CCDC39: variants seen among roughly 807,000 people sequenced by gnomAD.
CCDC39 encodes the protein coiled-coil domain 39 molecular ruler complex subunit.
A neutral mutation model predicts 121.0 loss-of-function variants in CCDC39; 113 were observed. The observed-to-expected ratio is 0.93, with a 90% CI of 0.80 to 1.09. The LOEUF (loss-of-function observed/expected upper bound fraction) is 1.09, where lower values mean the gene tolerates loss of function less well. CCDC39 is among the 50% of genes least tolerant of loss of function. The pLI, the probability that CCDC39 is intolerant of heterozygous loss-of-function variation, is 0.00. For missense variants in CCDC39, 1,063 were observed against 1,074.7 expected (o/e 0.99, Z 0.15); for synonymous variants, 349 against 352.2 (o/e 0.99, Z 0.10).
chr3:180,636,287 AC>A (rs1331357776), intron 13 of CCDC39, among the ~76,000 whole-genome samples: 1 of 152,224 alleles, frequency 6.6e-6, no homozygotes, highest in Non-Finnish European at 1.5e-5. Context: ...TATAAAAATT[AC>A]TAGCATTCCT....
intron 1 of CCDC39, among the ~76,000 whole-genome samples, chr3:180,678,396 G>A (rs189006266): frequency 1.8e-4 from 28 of 152,200 alleles, no homozygotes; most frequent in Admixed American, 1.8e-3. Flanking sequence ...TTTCTGTTCC[G>A]TTTTACAAAG....
At chr3:180,675,041 T>A (rs1712153696) in intron 1 of CCDC39, among the ~76,000 whole-genome samples, 1 of 152,230 alleles carries the variant, frequency 6.6e-6, no homozygotes, top group Admixed American at 6.5e-5. Flanking sequence ...ATTGGAATAG[T>A]TTCAGAAGGA....
At chr3:180,657,406 T>G (rs562027320) in intron 6 of CCDC39, among the ~76,000 whole-genome samples, 169 of 152,302 alleles carry the variant, frequency 1.1e-3, no homozygotes, top group African/African-American at 3.9e-3. Flanking sequence ...TGGGGTTGTA[T>G]GAGAAAACTG....
intron 7 of CCDC39, 33 bp downstream of exon 7, chr3:180,654,729 A>ACAT: frequency 6.8e-7 from 1 of 1,474,862 alleles, no homozygotes; most frequent in Non-Finnish European, 9.3e-7. Context: ...TTTGTCGTGA[A>ACAT]CATACAAGCC....
rs551191744 is a variant in CCDC39 at position 180,647,245 on chromosome 3, TG to T, written c.1363-3del. 8.4e-4 allele frequency: 1,313 copies of T among 1,558,374 alleles called. 3 individuals carry two copies. Among genetic ancestry groups the T allele is most frequent in the Middle Eastern group, 7.5e-3 (44 of 5,862 alleles). ...TTCCACTTGTTGAATGTGAAAATCC[TG>T]TTACAGTTTAAAAAAAAAAAGGTAT... On this transcript the variant is annotated splice_polypyrimidine_tract_variant and splice_region_variant and intron_variant, in intron 10 of 19. Transcript: ENST00000476379.
chr3:180,649,361 T>G (rs1030499285), intron 9 of CCDC39, among the ~76,000 whole-genome samples: 7 of 152,196 alleles, frequency 4.6e-5, no homozygotes, highest in African/African-American at 1.7e-4. Context: ...AGTTGAAAAT[T>G]ATCATTTTTA....
At chr3:180,624,667 T>C (rs1308702858) in intron 14 of CCDC39, among the ~76,000 whole-genome samples, 1 of 152,208 alleles carries the variant, frequency 6.6e-6, no homozygotes, top group Non-Finnish European at 1.5e-5. Flanking sequence ...GAGCATTTCT[T>C]AGAGGACCAG....
chr3:180,652,385 G>C, intron 7 of CCDC39, 119 bp from the exon 8 acceptor site: 1 of 524,098 alleles, frequency 1.9e-6, no homozygotes, highest in Non-Finnish European at 3.3e-6. Flanking sequence ...CACAAAAGTA[G>C]TAGCCATTTT....
chr3:180,654,141 A>C (rs1427535636), intron 7 of CCDC39, among the ~76,000 whole-genome samples: 1 of 149,724 alleles, frequency 6.7e-6, no homozygotes, highest in East Asian at 2.0e-4. Context: ...ACTAATTTTC[A>C]GTAAATGTGT....
chr3:180,657,876 A>G (rs1711623043), intron 6 of CCDC39, among the ~76,000 whole-genome samples: 1 of 152,218 alleles, frequency 6.6e-6, no homozygotes, highest in Admixed American at 6.5e-5. Flanking sequence ...CTCTGCTTCC[A>G]TTAATTTTGC....
intron 6 of CCDC39, among the ~76,000 whole-genome samples, chr3:180,658,831 CT>C (rs2108428422): frequency 6.6e-6 from 1 of 152,244 alleles, no homozygotes; most frequent in Admixed American, 6.5e-5. Context: ...ATCTTCTCAC[CT>C]GACTCTGAAT....
chr3:180,623,284 A>G (rs1192347727), intron 14 of CCDC39, among the ~76,000 whole-genome samples: 2 of 151,582 alleles, frequency 1.3e-5, no homozygotes, highest in African/African-American at 4.8e-5. Flanking sequence ...ATGATCTTTC[A>G]TATTTCTGTA....
intron 6 of CCDC39, among the ~76,000 whole-genome samples, chr3:180,656,547 G>T (rs1711584851): frequency 6.6e-6 from 1 of 152,112 alleles, no homozygotes; most frequent in Admixed American, 6.5e-5. Flanking sequence ...ACCGTCAGAG[G>T]CATTTGAACC....
chr3:180,673,401 A>C (rs1560095972), intron 1 of CCDC39, among the ~76,000 whole-genome samples: 1 of 152,240 alleles, frequency 6.6e-6, no homozygotes, highest in Non-Finnish European at 1.5e-5. Context: ...CACCTTGATC[A>C]GTCAGCAAAC....
chr3:180,661,860 C>T lies in CCDC39; in HGVS notation c.357+1G>A. On this transcript the variant is annotated splice_donor_variant, in intron 3 of 19. Coordinates refer to ENST00000476379, the MANE Select transcript of CCDC39 (RefSeq NM_181426.2). LOFTEE classifies it high-confidence loss of function. ...ATTTTAAGTAATATTTCAACATATACTTCTTTATCACTTTTCTTTTCCAGT... is the reference window on the plus strand; with the variant it reads ...ATTTTAAGTAATATTTCAACATATATTTCTTTATCACTTTTCTTTTCCAGT... The T allele has an allele frequency of 6.3e-7, 1 of 1,577,146 alleles. No homozygotes were observed. The highest frequency in any genetic ancestry group is 8.6e-7 in the Non-Finnish European group (1 of 1,159,516).
At chr3:180,630,558 G>T (rs959747107) in intron 14 of CCDC39, among the ~76,000 whole-genome samples, 14 of 152,120 alleles carry the variant, frequency 9.2e-5, no homozygotes, top group African/African-American at 3.4e-4. Flanking sequence ...ATTCATGTAT[G>T]GTACAGGGAA....
At position 180,647,091 on chromosome 3, in the gene CCDC39, G is replaced by T; in HGVS notation, c.1515C>A (p.Ile505=). 6.2e-7 allele frequency: 1 copy of T among 1,606,646 alleles called. No homozygotes were observed. Among genetic ancestry groups the T allele is most frequent in the Non-Finnish European group, 8.5e-7 (1 of 1,177,856 alleles). Residue 505 remains isoleucine (I), a synonymous_variant, in exon 11 of 20, where the codon ATC becomes ATA. Coordinates refer to ENST00000476379, the MANE Select transcript of CCDC39 (RefSeq NM_181426.2). The stretch of plus-strand genomic sequence containing the variant: ...TTGGCTAAGTTACATGAAGCTTCTT[G>T]ATCTGTGTTTCCAAAAGGCCACATG... ...KSTCGLLETQ[I]KKLHNDLYFI... is the part of the protein sequence containing the mutation.
intron 9 of CCDC39, among the ~76,000 whole-genome samples, chr3:180,650,832 A>G (rs1355302107): frequency 6.6e-6 from 1 of 151,224 alleles, no homozygotes; most frequent in Non-Finnish European, 1.5e-5. Context: ...ACTCCAGCCT[A>G]GGGGATAGAG....
At chr3:180,651,352 T>A (rs1039382445) in intron 9 of CCDC39, 49 bp downstream of exon 9, 2 of 1,462,846 alleles carry the variant, frequency 1.4e-6, no homozygotes, top group Middle Eastern at 1.7e-4. Context: ...ATTAATTCAC[T>A]GTTGCTAAAT....
Sources: gnomAD v4.1 joint callset for allele counts (sites outside exome capture counted in the v4.1 genomes callset) on GRCh38, gnomAD v4.1.1 for gene constraint, MANE v1.5 for transcripts, NCBI Gene and HGNC (gene_info 2026-07-23, HGNC 2026-07-21) for gene names.